ATG10: variants seen among roughly 807,000 people sequenced by gnomAD.
The protein encoded by ATG10 is autophagy related 10.
Under a neutral mutation model 32.1 loss-of-function variants are expected in ATG10, and 30 were observed. The ratio of observed to expected loss-of-function variants is 0.94; its 90% CI spans 0.70 to 1.27. ATG10 has a LOEUF of 1.27. ATG10 is among the 50% of genes most tolerant of loss of function. The pLI is 0.00. For missense variants in ATG10, 233 were observed against 262.3 expected, an observed-to-expected ratio of 0.89 and a Z score of 0.77; for synonymous variants, 87 against 91.5, an observed-to-expected ratio of 0.95 and a Z score of 0.28.
At chr5:82,205,246 T>C (rs906243974) in intron 5 of ATG10, among the ~76,000 whole-genome samples, 1 of 152,154 alleles carries the variant, frequency 6.6e-6, no homozygotes, top group Non-Finnish European at 1.5e-5. Context: ...GTAAGCAGAA[T>C]GTGGTTTGAT....
intron 3 of ATG10, among the ~76,000 whole-genome samples, chr5:82,066,472 C>T (rs1262621848): frequency 6.6e-6 from 1 of 152,010 alleles, no homozygotes; most frequent in Non-Finnish European, 1.5e-5. Context: ...ATGATAGAGT[C>T]ATAAAAATGG....
At chr5:81,982,713 TTCCGC>T (rs2149658674) in intron 1 of ATG10, among the ~76,000 whole-genome samples, 1 of 152,342 alleles carries the variant, frequency 6.6e-6, no homozygotes, top group East Asian at 1.9e-4. Flanking sequence ...CCCTGCGGCC[TTCCGC>T]AGTGTTTGTG....
At chr5:82,111,919 G>A (rs902144263) in intron 3 of ATG10, among the ~76,000 whole-genome samples, 2 of 151,932 alleles carry the variant, frequency 1.3e-5, no homozygotes, top group African/African-American at 2.4e-5. Context: ...TTTTGTTCAT[G>A]GTGAAACTAA....
chr5:82,023,513 T>A (rs1762507635), intron 2 of ATG10, among the ~76,000 whole-genome samples: 1 of 152,204 alleles, frequency 6.6e-6, no homozygotes. Flanking sequence ...ATAAACTGTG[T>A]CAGAAATTAT....
intron 3 of ATG10, among the ~76,000 whole-genome samples, chr5:82,135,093 T>C (rs747058648): frequency 8.0e-5 from 11 of 136,892 alleles, no homozygotes; most frequent in African/African-American, 3.4e-4. Context: ...TTTTTTATTG[T>C]GTCTATTTGA....
intron 5 of ATG10, among the ~76,000 whole-genome samples, chr5:82,225,635 G>C (rs1159570876): frequency 1.3e-5 from 2 of 152,186 alleles, no homozygotes. Context: ...TATGGCCTCT[G>C]CTGCCTTAAC....
intron 2 of ATG10, among the ~76,000 whole-genome samples, chr5:82,057,887 A>T (rs1351698262): frequency 6.6e-6 from 1 of 152,138 alleles, no homozygotes; most frequent in African/African-American, 2.4e-5. Context: ...AAGGGATTAG[A>T]CTTCAGAGGG....
At chr5:82,073,281 T>A (rs564926905) in intron 3 of ATG10, 1 of 152,316 alleles carries the variant, frequency 6.6e-6, no homozygotes, top group Non-Finnish European at 1.5e-5. Context: ...TTTTGTTTTT[T>A]AAAAATGCTG....
At chr5:82,152,346 C>T (rs181237902) in intron 3 of ATG10, among the ~76,000 whole-genome samples, 43 of 152,326 alleles carry the variant, frequency 2.8e-4, no homozygotes, top group African/African-American at 9.9e-4. Context: ...TGATCATCCA[C>T]GACTGTGAGC....
At chr5:82,143,665 C>G (rs573708759) in intron 3 of ATG10, among the ~76,000 whole-genome samples, 8 of 152,308 alleles carry the variant, frequency 5.3e-5, no homozygotes, top group African/African-American at 1.9e-4. Context: ...GAGTCAAAGA[C>G]AGATTGGAGA....
intron 4 of ATG10, among the ~76,000 whole-genome samples, chr5:82,168,544 C>T (rs1173284693): frequency 1.3e-5 from 2 of 152,224 alleles, no homozygotes; most frequent in Middle Eastern, 3.4e-3. Flanking sequence ...ATCTTTTCCT[C>T]CATTCAGCAA....
chr5:82,112,053 T>G (rs1361710320), intron 3 of ATG10, among the ~76,000 whole-genome samples: 24 of 151,998 alleles, frequency 1.6e-4, no homozygotes, highest in Non-Finnish European at 1.5e-5. Context: ...ATTTTTTTTC[T>G]GTTTTGAACA....
intron 3 of ATG10, among the ~76,000 whole-genome samples, chr5:82,136,325 G>T (rs934044742): frequency 6.6e-6 from 1 of 152,048 alleles, no homozygotes. Flanking sequence ...TAGTGTCGAC[G>T]GTCTTTACAA....
At chr5:82,042,469 CCTT>C (rs1763114836) in intron 2 of ATG10, among the ~76,000 whole-genome samples, 1 of 152,160 alleles carries the variant, frequency 6.6e-6, no homozygotes, top group Non-Finnish European at 1.5e-5. Context: ...AATCTCATGT[CCTT>C]CTCACATTGC....
intron 1 of ATG10, among the ~76,000 whole-genome samples, chr5:81,978,484 A>G (rs879282885): frequency 2.0e-5 from 3 of 152,170 alleles, no homozygotes; most frequent in African/African-American, 4.8e-5. Context: ...TAGTCCTACT[A>G]CCCACTGTTC....
intron 3 of ATG10, among the ~76,000 whole-genome samples, chr5:82,164,051 T>C (rs985941285): frequency 1.3e-5 from 2 of 152,188 alleles, no homozygotes; most frequent in Non-Finnish European, 2.9e-5. Flanking sequence ...CTTTCACAGG[T>C]AGGGAAGAAG....
chr5:81,982,295 ATC>A (rs965164205), intron 1 of ATG10, among the ~76,000 whole-genome samples: 4 of 152,146 alleles, frequency 2.6e-5, no homozygotes, highest in African/African-American at 7.2e-5. Flanking sequence ...GTGAAACCCC[ATC>A]TCTACTAAAA....
chr5:82,028,391 T>G (rs1285235226), intron 2 of ATG10, among the ~76,000 whole-genome samples: 5 of 152,162 alleles, frequency 3.3e-5, no homozygotes, highest in Admixed American at 3.3e-4. Context: ...ATTCATACTT[T>G]GAAACAAATA....
At chr5:82,068,358 T>C (rs1322645464) in intron 3 of ATG10, among the ~76,000 whole-genome samples, 1 of 151,860 alleles carries the variant, frequency 6.6e-6, no homozygotes, top group Non-Finnish European at 1.5e-5. Context: ...TGAGAATACA[T>C]GGACACAGGG....
Sources: allele counts gnomAD v4.1 joint callset (sites outside exome capture counted in the v4.1 genomes callset), GRCh38; gene constraint gnomAD v4.1.1; transcripts MANE v1.5; gene names NCBI Gene and HGNC (gene_info 2026-07-23, HGNC 2026-07-21).